PKN2: variants seen among roughly 807,000 people sequenced by gnomAD.
PKN2 encodes the protein serine/threonine-protein kinase N2.
In PKN2, 38 loss-of-function variants were observed where a neutral mutation model predicts 119.1. The observed-to-expected ratio is 0.32, with a 90% CI of 0.25 to 0.42. The LOEUF is 0.42. Among genes scored for constraint, PKN2 ranks in the 10% least tolerant of loss-of-function variants. PKN2 has a pLI of 1.00. For missense variants in PKN2, 850 were observed against 1,165.1 expected, an observed-to-expected ratio of 0.73 and a Z score of 3.94; for synonymous variants, 390 against 384.9, an observed-to-expected ratio of 1.01 and a Z score of -0.15.
At chr1:88,797,540 G>T (rs1461316108) in intron 8 of PKN2, among the ~76,000 whole-genome samples, 2 of 151,710 alleles carry the variant, frequency 1.3e-5, no homozygotes, top group Non-Finnish European at 2.9e-5. Context: ...TACTCAGGAG[G>T]CTGAGGCAGG....
At chr1:88,716,896 T>C (rs368384118) in intron 1 of PKN2, among the ~76,000 whole-genome samples, 1 of 152,350 alleles carries the variant, frequency 6.6e-6, no homozygotes, top group South Asian at 2.1e-4. Flanking sequence ...TCATCGATGG[T>C]CTTTACAATT....
chr1:88,719,409 A>C (rs1215069687), intron 1 of PKN2, among the ~76,000 whole-genome samples: 1 of 152,176 alleles, frequency 6.6e-6, no homozygotes, highest in African/African-American at 2.4e-5. Context: ...CAAAACATTT[A>C]ATGAGAAGCC....
intron 19 of PKN2, among the ~76,000 whole-genome samples, chr1:88,830,517 G>A (rs1672686853): frequency 6.6e-6 from 1 of 152,012 alleles, no homozygotes; most frequent in African/African-American, 2.4e-5. Flanking sequence ...TAGTATTCAA[G>A]TAAGTATGAG....
rs561820853 is a variant in PKN2 at position 88,738,565 on chromosome 1, A to C, written c.49-2423A>C. Among the ~76,000 whole-genome samples the C allele has an allele frequency of 3.9e-5, 6 of 152,360 alleles. No homozygotes were observed. In the South Asian group the frequency reaches 1.2e-3, roughly 32 times the overall value. ...GAGTTTAAGGAACAAAGTGGAAAGA[A>C]ATGGGAGTTGAGGTAGGCAGTAAAC... On this transcript the variant is annotated intron_variant, in intron 1 of 21. Transcript: ENST00000370521.
At chr1:88,776,604 A>G (rs1018236642) in intron 6 of PKN2, among the ~76,000 whole-genome samples, 4 of 151,920 alleles carry the variant, frequency 2.6e-5, no homozygotes, top group Admixed American at 6.6e-5. Context: ...GCCAGGCATG[A>G]TGGCGCATGC....
chr1:88,790,999 A>G (rs1670810559), intron 8 of PKN2, among the ~76,000 whole-genome samples: 1 of 152,176 alleles, frequency 6.6e-6, no homozygotes, highest in Admixed American at 6.5e-5. Context: ...AAAACTGAGA[A>G]TATCAGTTTT....
chr1:88,749,370 A>T (rs145191816), intron 2 of PKN2, among the ~76,000 whole-genome samples: 4 of 146,506 alleles, frequency 2.7e-5, no homozygotes, highest in African/African-American at 1.0e-4. Context: ...GAGCCATTGC[A>T]CTCCAGCCCG....
rs572880580 is a variant in PKN2, at chr1:88,835,506, G to C, written c.*2058G>C. On this transcript the variant is annotated 3_prime_UTR_variant, in exon 22 of 22. Transcript: ENST00000370521. ...AATCACTAAAAAAATTAGAAGGCAGGGTCTATTTACACAATTAAGCTGAAG... is the reference window on the plus strand; with the variant it reads ...AATCACTAAAAAAATTAGAAGGCAGCGTCTATTTACACAATTAAGCTGAAG... The C allele has an allele frequency of 6.6e-6, 1 of 151,604 alleles. No individual in the cohort carries two copies. The highest frequency in any genetic ancestry group is 2.4e-5 in the African/African-American group (1 of 41,272). The allele number at this position is 151,604 out of a possible 1,614,324, so 9.4% of individuals were successfully genotyped here. A position where few individuals can be genotyped will look rare whatever the true frequency, so the allele number is the denominator to read the frequency against.
At chr1:88,684,934 G>T in intron 1 of PKN2, 1 of 327,952 alleles carries the variant, frequency 3.0e-6, no homozygotes, top group Non-Finnish European at 5.6e-6. Flanking sequence ...GGAGAGGCCG[G>T]CCCGTCGCCC....
chr1:88,803,829 A>G (rs1458015483), intron 8 of PKN2, among the ~76,000 whole-genome samples: 1 of 152,202 alleles, frequency 6.6e-6, no homozygotes. Context: ...TTTCGTACGC[A>G]GAATGGGTCT....
rs1227976764 is a variant in PKN2, at chr1:88,835,694, A to T, written c.*2246A>T. 1 of 152,420 alleles carries T rather than the reference A, an allele frequency of 6.6e-6. No homozygotes were observed. Among genetic ancestry groups the T allele is most frequent in the East Asian group, 1.9e-4 (1 of 5,196 alleles). The allele number at this position is 152,420 out of a possible 1,614,324, so 9.4% of individuals were successfully genotyped here. A position where few individuals can be genotyped will look rare whatever the true frequency, so the allele number is the denominator to read the frequency against. On this transcript the variant is annotated 3_prime_UTR_variant, in exon 22 of 22. Transcript: ENST00000370521. Reference sequence around the variant, plus strand: ...GATATTTTAGAATGGTACACTATGCATTCAAATGAAATGTGCCTTTCACTA... The same window carrying T: ...GATATTTTAGAATGGTACACTATGCTTTCAAATGAAATGTGCCTTTCACTA...
chr1:88,796,926 CTT>C (rs983424985), intron 8 of PKN2, among the ~76,000 whole-genome samples: 169 of 140,328 alleles, frequency 1.2e-3, no homozygotes, highest in Admixed American at 1.4e-3. Flanking sequence ...TTTGCTCAAC[CTT>C]TTTTTTTTTT....
intron 7 of PKN2, 69 bp downstream of exon 7, chr1:88,784,893 T>C: frequency 1.2e-6 from 1 of 838,092 alleles, no homozygotes; most frequent in Admixed American, 2.9e-5. Flanking sequence ...TTATGAAGTG[T>C]TCAAGTTGGA....
At chr1:88,823,703 TAAAAAAAAAA>T (rs61234342) in intron 17 of PKN2, among the ~76,000 whole-genome samples, 7 of 65,746 alleles carry the variant, frequency 1.1e-4, no homozygotes, top group Admixed American at 3.6e-4. Context: ...GACTCTGTCT[TAAAAAAAAAA>T]AAAAAAAAAA....
intron 8 of PKN2, among the ~76,000 whole-genome samples, chr1:88,790,051 C>G (rs1419440868): frequency 6.6e-6 from 1 of 152,206 alleles, no homozygotes; most frequent in East Asian, 1.9e-4. Context: ...TCTATGTAAG[C>G]AGGTATGCTT....
intron 1 of PKN2, among the ~76,000 whole-genome samples, chr1:88,694,608 T>C (rs1666461697): frequency 6.6e-6 from 1 of 152,196 alleles, no homozygotes; most frequent in South Asian, 2.1e-4. Context: ...GATGCAACTT[T>C]TCAACTCCTT....
intron 1 of PKN2, among the ~76,000 whole-genome samples, chr1:88,726,323 G>A (rs1309907812): frequency 6.6e-6 from 1 of 152,078 alleles, no homozygotes; most frequent in Non-Finnish European, 1.5e-5. Context: ...TTTTTTTGTA[G>A]ATACTCTTTG....
intron 3 of PKN2, among the ~76,000 whole-genome samples, chr1:88,764,377 C>G (rs948855941): frequency 1.3e-5 from 2 of 152,214 alleles, no homozygotes; most frequent in Non-Finnish European, 2.9e-5. Flanking sequence ...ACCTCTGTCT[C>G]TTCTTAACCC....
chr1:88,803,309 A>G, intron 8 of PKN2, among the ~76,000 whole-genome samples: 1 of 152,214 alleles, frequency 6.6e-6, no homozygotes, highest in East Asian at 1.9e-4. Context: ...AACTAGATAT[A>G]TAATTTAAGG....
Sources: allele counts gnomAD v4.1 joint callset (sites outside exome capture counted in the v4.1 genomes callset), GRCh38; gene constraint gnomAD v4.1.1; transcripts MANE v1.5; gene names NCBI Gene and HGNC (gene_info 2026-07-23, HGNC 2026-07-21).